The following HCRTR2 variants were observed in gnomAD, a reference collection of about 807,000 sequenced individuals.
HCRTR2 encodes orexin receptor type 2.
A neutral mutation model predicts 49.0 loss-of-function variants in HCRTR2; 22 were observed. The observed-to-expected ratio is 0.45, with a 90% CI of 0.32 to 0.64. HCRTR2 has a LOEUF of 0.64. HCRTR2 is among the 30% of genes least tolerant of loss of function. The pLI is 0.04. For synonymous variants in HCRTR2, 236 were observed against 205.3 expected (o/e 1.15, Z -1.28); for missense variants, 491 against 559.4 (o/e 0.88, Z 1.23).
At chr6:55,281,522 T>A (rs905246745) in intron 6 of HCRTR2, among the ~76,000 whole-genome samples, 2 of 152,178 alleles carry the variant, frequency 1.3e-5, no homozygotes, top group African/African-American at 4.8e-5. Flanking sequence ...CCGTGAACAT[T>A]CATCTTCTCA....
intron 1 of HCRTR2, among the ~76,000 whole-genome samples, chr6:55,224,725 T>G (rs1765969193): frequency 6.6e-6 from 1 of 152,102 alleles, no homozygotes; most frequent in African/African-American, 2.4e-5. Flanking sequence ...ACAACATGGA[T>G]GAACCTGAAA....
In HCRTR2 at chr6:55,168,839, T is replaced by C. The variant is rs531002744; in HGVS notation, c.-377-5372T>C. ...TTCCTCCTAGATTTGTGAAGATCAA[T>C]TGAGTTAATGTATGTAACGTACTTG... On this transcript the variant is annotated intron_variant, in intron 1 of 7. Transcript: ENST00000615358. Among the ~76,000 whole-genome samples the C allele has an allele frequency of 7.2e-5, 11 of 152,210 alleles. No individual in the cohort carries two copies. The South Asian group carries it at 2.1e-3, about 29-fold the overall frequency.
chr6:55,123,345 A>G (rs1764228474), intron 1 of HCRTR2, among the ~76,000 whole-genome samples: 2 of 151,962 alleles, frequency 1.3e-5, no homozygotes, highest in Admixed American at 1.3e-4. Context: ...AAGGGTGTTG[A>G]ATTTTGTCAA....
At chr6:55,113,705 A>G (rs1006119127) in intron 1 of HCRTR2, among the ~76,000 whole-genome samples, 1 of 152,024 alleles carries the variant, frequency 6.6e-6, no homozygotes, top group African/African-American at 2.4e-5. Context: ...TAGGAATGTA[A>G]ACTAGTACAA....
Position 55,255,414 on chromosome 6 carries a change from A to C in HCRTR2, c.646+35A>C, listed in dbSNP as rs201011032. 3.4e-4 allele frequency: 555 copies of C among 1,612,242 alleles called. 10 individuals carry two copies. In the South Asian group the frequency reaches 5.8e-3, roughly 17 times the overall value. On this transcript the variant is annotated intron_variant, in intron 3 of 6. Transcript: ENST00000370862. ...TTATGGCCCATCAACTGACATTTAT[A>C]TTACAGCAGCAAATTGAAAATTGGA...
chr6:55,225,558 C>G (rs927469077), intron 1 of HCRTR2, among the ~76,000 whole-genome samples: 1 of 152,146 alleles, frequency 6.6e-6, no homozygotes, highest in Admixed American at 6.5e-5. Context: ...CTGTGCCAGA[C>G]CTGCACAAGG....
At chr6:55,284,406 A>G (rs929003284), downstream of HCRTR2, among the ~76,000 whole-genome samples, 4 of 152,154 alleles carry the variant, frequency 2.6e-5, no homozygotes. Context: ...CCTATCCCTC[A>G]CCTACTTAAC....
intron 4 of HCRTR2, among the ~76,000 whole-genome samples, chr6:55,271,066 T>C (rs1382576909): frequency 2.0e-5 from 3 of 152,066 alleles, no homozygotes; most frequent in East Asian, 1.9e-4. Context: ...CTAATATTAA[T>C]GTGGAAATGC....
intron 1 of HCRTR2, among the ~76,000 whole-genome samples, chr6:55,158,721 C>T (rs777046851): frequency 2.0e-5 from 3 of 152,168 alleles, no homozygotes; most frequent in Admixed American, 6.5e-5. Flanking sequence ...CACGACAGTT[C>T]GGCAAAGCCA....
intron 1 of HCRTR2, among the ~76,000 whole-genome samples, chr6:55,180,965 A>G (rs148221233): frequency 7.2e-6 from 1 of 139,356 alleles, no homozygotes; most frequent in Non-Finnish European, 1.5e-5. Context: ...ATGCCCAGCT[A>G]TTTTTTTTTT....
chr6:55,206,198 G>A (rs1296715642), intron 1 of HCRTR2, among the ~76,000 whole-genome samples: 3 of 151,946 alleles, frequency 2.0e-5, no homozygotes, highest in Non-Finnish European at 2.9e-5. Context: ...ACTGAGTTAT[G>A]GCTCAAGAGC....
intron 1 of HCRTR2, among the ~76,000 whole-genome samples, chr6:55,123,587 C>T (rs1474819801): frequency 1.3e-5 from 2 of 151,950 alleles, no homozygotes; most frequent in African/African-American, 4.8e-5. Context: ...CTGAAATTTT[C>T]CTTTTTTGTT....
intron 1 of HCRTR2, among the ~76,000 whole-genome samples, chr6:55,160,443 A>G (rs987310813): frequency 2.0e-5 from 3 of 152,186 alleles, no homozygotes; most frequent in African/African-American, 7.2e-5. Flanking sequence ...GGGCAAAATA[A>G]CCAGCTAGCA....
At chr6:55,208,328 A>G (rs1366507356) in intron 1 of HCRTR2, among the ~76,000 whole-genome samples, 1 of 136,474 alleles carries the variant, frequency 7.3e-6, no homozygotes, top group Non-Finnish European at 1.6e-5. Context: ...ATAAAAAAAT[A>G]AAAAAAAAAA....
intron 1 of HCRTR2, among the ~76,000 whole-genome samples, chr6:55,108,639 G>A (rs1044478652): frequency 2.0e-5 from 3 of 151,982 alleles, no homozygotes; most frequent in Non-Finnish European, 2.9e-5. Flanking sequence ...AGCAGGAAGA[G>A]CCCTGTAGGC....
At chr6:55,201,752 C>T (rs767042919) in intron 1 of HCRTR2, among the ~76,000 whole-genome samples, 18 of 152,002 alleles carry the variant, frequency 1.2e-4, no homozygotes, top group Non-Finnish European at 2.4e-4. Flanking sequence ...TCTTGCTTAG[C>T]GAGAAGATAA....
chr6:55,266,151 T>G (rs1208646564), intron 4 of HCRTR2, among the ~76,000 whole-genome samples: 1 of 152,190 alleles, frequency 6.6e-6, no homozygotes, highest in African/African-American at 2.4e-5. Flanking sequence ...GGATGTTGTT[T>G]AATAATGGCC....
intron 1 of HCRTR2, among the ~76,000 whole-genome samples, chr6:55,168,203 GAGA>G (rs1764903439): frequency 6.6e-6 from 1 of 152,176 alleles, no homozygotes; most frequent in Non-Finnish European, 1.5e-5. Context: ...TCAGAGAATA[GAGA>G]AGGAGATTGA....
intron 3 of HCRTR2, among the ~76,000 whole-genome samples, chr6:55,260,086 A>G (rs2127320178): frequency 6.6e-6 from 1 of 152,312 alleles, no homozygotes; most frequent in East Asian, 1.9e-4. Context: ...TTATTCATAA[A>G]TATACCAACC....
Sources: gnomAD v4.1 joint callset for allele counts (sites outside exome capture counted in the v4.1 genomes callset) on GRCh38, gnomAD v4.1.1 for gene constraint, MANE v1.5 for transcripts, NCBI Gene and HGNC (gene_info 2026-07-23, HGNC 2026-07-21) for gene names.